AMZ2: variants seen among roughly 807,000 people sequenced by gnomAD.
AMZ2 encodes archaemetzincin-2.
AMZ2 carries 26 observed loss-of-function variants against 36.7 expected under a neutral mutation model. The observed-to-expected ratio is 0.71, with a 90% confidence interval of 0.52 to 0.98. The LOEUF (loss-of-function observed/expected upper bound fraction) is 0.98. AMZ2 is among the 50% of genes least tolerant of loss of function. The probability of loss-of-function intolerance (pLI) is 0.00; values close to 1 mark genes in which losing one functional copy is unlikely to be tolerated. For synonymous variants in AMZ2, 144 were observed against 149.1 expected, an observed-to-expected ratio of 0.97 and a Z score of 0.25; for missense variants, 394 against 430.5, an observed-to-expected ratio of 0.92 and a Z score of 0.75.
chr17:68,231,183 C>T (rs2073654524), intron 1 of AMZ2, among the ~76,000 whole-genome samples: 1 of 152,036 alleles, frequency 6.6e-6, no homozygotes, highest in South Asian at 2.1e-4. Flanking sequence ...CCTACCTCAG[C>T]CTCCCGAGTA....
rs782175231 is a variant in AMZ2 at position 68,256,913 on chromosome 17, GC to G, written c.1029del (p.Phe344LeufsTer8). 2 of 1,614,200 alleles carry G rather than the reference GC, an allele frequency of 1.2e-6. No homozygotes were observed. The highest frequency in any genetic ancestry group is 8.5e-7 in the Non-Finnish European group (1 of 1,180,046). ...DNGNLPKPVE[A>X]FKEWKEWIIK... is the part of the protein sequence containing the mutation. Reference sequence around the variant, plus strand: ...TGGGAATTTACCGAAACCCGTGGAAGCCTTTAAGGAATGGAAAGAGTGGATA... The same window carrying G: ...TGGGAATTTACCGAAACCCGTGGAAGCTTTAAGGAATGGAAAGAGTGGATA... On this transcript the variant is annotated frameshift_variant, in exon 7 of 7. Coordinates refer to ENST00000359904, the MANE Select transcript of AMZ2 (RefSeq NM_016627.5). LOFTEE classifies it high-confidence loss of function.
At chr17:68,238,586 T>TAC (rs10528850) in intron 1 of AMZ2, among the ~76,000 whole-genome samples, 18,935 of 150,910 alleles carry the variant, frequency 0.13, 1,508 homozygotes, top group East Asian at 0.3. Context: ...CACACATATG[T>TAC]ACACACACAC....
chr17:68,247,869 G>A, upstream of AMZ2: 2 of 985,528 alleles, frequency 2.0e-6, no homozygotes, highest in Non-Finnish European at 2.4e-6. Context: ...CCTCTATTCT[G>A]GAAGAGGCGG....
intron 1 of AMZ2, among the ~76,000 whole-genome samples, chr17:68,219,414 G>A (rs548056471): frequency 6.6e-5 from 10 of 152,346 alleles, no homozygotes; most frequent in Admixed American, 2.0e-4. Flanking sequence ...CCCAGTTCAA[G>A]GGAGGATATC....
chr17:68,225,336 GAGA>G (rs782574853), intron 1 of AMZ2, among the ~76,000 whole-genome samples: 1 of 152,166 alleles, frequency 6.6e-6, no homozygotes, highest in Non-Finnish European at 1.5e-5. Context: ...GGTGGAAATG[GAGA>G]AGTTCAGCCT....
At chr17:68,234,871 C>T (rs1315035532) in intron 1 of AMZ2, among the ~76,000 whole-genome samples, 13 of 151,964 alleles carry the variant, frequency 8.6e-5, no homozygotes, top group South Asian at 4.2e-4. Flanking sequence ...AAAAATTAGC[C>T]GGGCATTGCG....
intron 1 of AMZ2, among the ~76,000 whole-genome samples, chr17:68,232,016 A>G (rs574930052): frequency 1.8e-4 from 28 of 151,668 alleles, no homozygotes; most frequent in African/African-American, 6.8e-4. Context: ...GAACCAATGC[A>G]TATGGATTAG....
chr17:68,239,098 T>C (rs1555733491), intron 1 of AMZ2, among the ~76,000 whole-genome samples: 1 of 152,226 alleles, frequency 6.6e-6, no homozygotes, highest in East Asian at 1.9e-4. Context: ...CCACTGAAGC[T>C]GAGCTCTGGG....
chr17:68,252,848 G>T (rs60882872), intron 4 of AMZ2, among the ~76,000 whole-genome samples: 5,765 of 152,154 alleles, frequency 0.038, 356 homozygotes, highest in African/African-American at 0.13. Flanking sequence ...AAAACCATAT[G>T]TTCGTTTATC....
At chr17:68,247,828 G>A, upstream of AMZ2, 2 of 985,538 alleles carry the variant, frequency 2.0e-6, no homozygotes, top group African/African-American at 1.7e-5. Context: ...CTGCGGGGGT[G>A]GACAGCTGGG....
chr17:68,229,857 C>T (rs782223534), intron 1 of AMZ2, among the ~76,000 whole-genome samples: 30 of 152,130 alleles, frequency 2.0e-4, no homozygotes, highest in Non-Finnish European at 1.9e-4. Flanking sequence ...AACATGTGCA[C>T]GTGTTTGGCT....
At chr17:68,229,321 G>A (rs536620753) in intron 1 of AMZ2, among the ~76,000 whole-genome samples, 1 of 152,038 alleles carries the variant, frequency 6.6e-6, no homozygotes, top group African/African-American at 2.4e-5. Flanking sequence ...CTCAGCCCGG[G>A]TGCCTGTCCC....
intron 1 of AMZ2, among the ~76,000 whole-genome samples, chr17:68,234,212 GC>G (rs2073734774): frequency 6.6e-6 from 1 of 151,380 alleles, no homozygotes; most frequent in Admixed American, 6.6e-5. Context: ...ACTTTGGGAG[GC>G]TGAGGCGGGT....
chr17:68,253,776 A>T (rs2074676045), intron 4 of AMZ2, among the ~76,000 whole-genome samples: 1 of 142,110 alleles, frequency 7.0e-6, no homozygotes. Context: ...TTTTTTTGAG[A>T]CTGAGTATCA....
At position 68,255,881 on chromosome 17, in the gene AMZ2, G is replaced by A. The variant is rs782281009; in HGVS notation, c.927+5G>A. 6 of 1,613,690 alleles carry A rather than the reference G, an allele frequency of 3.7e-6. No homozygotes were observed. The South Asian group carries it at 5.5e-5, about 15-fold the overall frequency. ...AGCATTGTAGAAAGATACAAAGTAA[G>A]TTGGGGGGTGGACAGTCTAAAGAGG... On this transcript the variant is annotated splice_donor_5th_base_variant and intron_variant, in intron 6 of 6. Coordinates refer to ENST00000359904, the MANE Select transcript of AMZ2 (RefSeq NM_016627.5).
At chr17:68,217,699 A>C (rs1186382576) in intron 1 of AMZ2, among the ~76,000 whole-genome samples, 59 of 152,160 alleles carry the variant, frequency 3.9e-4, no homozygotes, top group Non-Finnish European at 6.8e-4. Context: ...CAGAGGTTTT[A>C]ATTGTAATGT....
In AMZ2 at chr17:68,248,661, C is replaced by T. The variant is rs1469194262; in HGVS notation, c.-45C>T. On this transcript the variant is annotated 5_prime_UTR_variant, in exon 1 of 7. Coordinates refer to ENST00000359904, the MANE Select transcript of AMZ2 (RefSeq NM_016627.5). ...CCAGCCAGGCCCAGACATGTCCGTC[C>T]TTGTAAGTTAAAAGCTTCCATGGGA... The T allele has an allele frequency of 1.0e-6, 1 of 985,922 alleles. No individual in the cohort carries two copies. The highest frequency in any genetic ancestry group is 1.2e-6 in the Non-Finnish European group (1 of 830,116). 61.1% of individuals were successfully genotyped at this position (985,922 alleles called of 1,614,324 possible). A position where few individuals can be genotyped will look rare whatever the true frequency, so the allele number is the denominator to read the frequency against.
intron 1 of AMZ2, among the ~76,000 whole-genome samples, chr17:68,216,205 C>T (rs1376020326): frequency 1.3e-5 from 2 of 152,156 alleles, no homozygotes; most frequent in African/African-American, 4.8e-5. Flanking sequence ...ATGATCATGG[C>T]TCACTGCAGC....
At chr17:68,238,586 T>TACATACAC (rs2073839726) in intron 1 of AMZ2, among the ~76,000 whole-genome samples, 1 of 150,888 alleles carries the variant, frequency 6.6e-6, no homozygotes, top group African/African-American at 2.4e-5. Context: ...CACACATATG[T>TACATACAC]ACACACACAC....
Sources: allele counts gnomAD v4.1 joint callset (sites outside exome capture counted in the v4.1 genomes callset), GRCh38; gene constraint gnomAD v4.1.1; transcripts MANE v1.5; gene names NCBI Gene and HGNC (gene_info 2026-07-23, HGNC 2026-07-21).